NF1: variants seen among roughly 807,000 people sequenced by gnomAD.
NF1 encodes neurofibromin 1.
In NF1, 122 loss-of-function variants were observed where a neutral mutation model predicts 325.7. The observed-to-expected ratio is 0.37, with a 90% CI of 0.32 to 0.44. The LOEUF is 0.44. Ranked by LOEUF, NF1 falls within the 20% of genes least tolerant of loss-of-function variation. The pLI is 1.00. For missense variants in NF1, 2,140 were observed against 3,415.4 expected (o/e 0.63, Z 9.31); for synonymous variants, 1,091 against 1,186.0 (o/e 0.92, Z 1.65).
intron 57 of NF1, among the ~76,000 whole-genome samples, chr17:31,363,828 C>T (rs2070453870): frequency 6.6e-6 from 1 of 151,670 alleles, no homozygotes; most frequent in African/African-American, 2.4e-5. Flanking sequence ...GCAACCTCTG[C>T]CTCCTTGGTT....
intron 36 of NF1, among the ~76,000 whole-genome samples, chr17:31,290,262 A>G (rs1243673409): frequency 6.6e-6 from 1 of 152,118 alleles, no homozygotes; most frequent in African/African-American, 2.4e-5. Flanking sequence ...AGACTTACAA[A>G]TATTTTTAAA....
chr17:31,267,272 G>A lies in NF1; in HGVS notation c.4835+1933G>A, dbSNP rs111509247. 7.8e-3 allele frequency among the ~76,000 whole-genome samples: 1,192 copies of A among 152,184 alleles called. 19 individuals are homozygous for A. Among genetic ancestry groups the A allele is most frequent in the African/African-American group, 0.027 (1,141 of 41,544 alleles). On this transcript the variant is annotated intron_variant, in intron 36 of 57. Transcript: ENST00000358273. The stretch of plus-strand genomic sequence containing the variant: ...TAGATAAGTTTATTTTTCCAAATCT[G>A]TTGCTTCATATGTTAAAGCTGGGGT...
At chr17:31,130,290 A>T (rs1915256472) in intron 1 of NF1, among the ~76,000 whole-genome samples, 1 of 152,034 alleles carries the variant, frequency 6.6e-6, no homozygotes, top group African/African-American at 2.4e-5. Flanking sequence ...GGAGGGGCCG[A>T]GGTGCTCCTG....
intron 1 of NF1, among the ~76,000 whole-genome samples, chr17:31,113,096 T>C (rs1045435350): frequency 1.3e-5 from 2 of 152,312 alleles, no homozygotes; most frequent in South Asian, 4.1e-4. Flanking sequence ...TCGGATTGGC[T>C]TGTCAATTTC....
At chr17:31,275,698 T>C (rs898249117) in intron 36 of NF1, among the ~76,000 whole-genome samples, 3 of 152,204 alleles carry the variant, frequency 2.0e-5, no homozygotes, top group African/African-American at 7.2e-5. Flanking sequence ...TTCTTCAAGC[T>C]CCACTCATGT....
chr17:31,206,486 T>C lies in NF1; in HGVS notation c.1392+115T>C. The C allele has an allele frequency of 3.3e-6, 4 of 1,212,110 alleles. No individual in the cohort carries two copies. The South Asian group carries it at 4.9e-5, about 15-fold the overall frequency. 75.1% of individuals were successfully genotyped at this position (1,212,110 alleles called of 1,614,324 possible). On this transcript the variant is annotated intron_variant, in intron 12 of 57. Coordinates refer to ENST00000358273, the MANE Select transcript of NF1 (RefSeq NM_001042492.3). ...TAGAGAATTGAATGGGTCCTTCATT[T>C]CCTCTAAATGTTGTGGTATGTTGTA...
At chr17:31,247,790 A>G (rs1445103368) in intron 29 of NF1, among the ~76,000 whole-genome samples, 3 of 152,238 alleles carry the variant, frequency 2.0e-5, no homozygotes, top group Non-Finnish European at 2.9e-5. Context: ...TATACAATAG[A>G]CTATTATGCA....
rs2067306662 is a variant in NF1 at position 31,242,133 on chromosome 17, T to C, written c.3974+6112T>C. 2.0e-5 allele frequency among the ~76,000 whole-genome samples: 3 copies of C among 151,898 alleles called. No homozygotes were observed. In the South Asian group the frequency reaches 6.2e-4, roughly 32 times the overall value. On this transcript the variant is annotated intron_variant, in intron 29 of 57. Coordinates refer to ENST00000358273, the MANE Select transcript of NF1 (RefSeq NM_001042492.3). ...CATATTGGAGCTCCATTGTATGTTA[T>C]TTGTTTCTTTCCTCTTGCTGCTTTT...
In NF1 at chr17:31,258,356, C is replaced by T. The variant is rs1555618495; in HGVS notation, c.4186C>T (p.Arg1396Cys). 2.5e-6 allele frequency: 4 copies of T among 1,613,890 alleles called. No homozygotes were observed. Among genetic ancestry groups the T allele is most frequent in the Non-Finnish European group, 3.4e-6 (4 of 1,179,878 alleles). ...KENKKSVVSQ[R>C]FPQNSIGAVG... Reference sequence around the variant, plus strand: ...TCCTTGTTTTTAGGTGGTTAGCCAGCGTTTCCCTCAGAACAGCATCGGTGC... The same window carrying T: ...TCCTTGTTTTTAGGTGGTTAGCCAGTGTTTCCCTCAGAACAGCATCGGTGC... The change falls in exon 32 of 58, where the codon CGT becomes TGT. Residue 1396 changes from arginine (R) to cysteine (C), a missense_variant. Physicochemically the swap from Arg to Cys is radical, Grantham distance 180. This residue lies in a region of NF1 where 336 missense variants were observed against 399.0 expected (regional missense o/e 0.84). Coordinates refer to ENST00000358273, the MANE Select transcript of NF1 (RefSeq NM_001042492.3).
chr17:31,123,376 T>A (rs1914601469), intron 1 of NF1, among the ~76,000 whole-genome samples: 1 of 152,226 alleles, frequency 6.6e-6, no homozygotes, highest in Non-Finnish European at 1.5e-5. Context: ...ATCCTTATTT[T>A]CCATTTTCAT....
chr17:31,305,365 G>A (rs1289291517), intron 36 of NF1: 1 of 1,614,174 alleles, frequency 6.2e-7, no homozygotes, highest in Non-Finnish European at 8.5e-7. Context: ...GACAGCTGGT[G>A]TTGGTTGTCC....
chr17:31,225,275 G>A (rs2144028432), intron 17 of NF1, 25 bp downstream of exon 17: 2 of 1,611,420 alleles, frequency 1.2e-6, no homozygotes, highest in East Asian at 4.5e-5. Flanking sequence ...TACTTTTTCT[G>A]TATCATTTTA....
chr17:31,343,643 A>G (rs1173439126), intron 48 of NF1, among the ~76,000 whole-genome samples: 1 of 152,110 alleles, frequency 6.6e-6, no homozygotes, highest in Non-Finnish European at 1.5e-5. Context: ...TCAAATATCA[A>G]ATTTGCCTGA....
intron 1 of NF1, among the ~76,000 whole-genome samples, chr17:31,131,156 G>A (rs1915355798): frequency 6.6e-6 from 1 of 152,194 alleles, no homozygotes; most frequent in Admixed American, 6.5e-5. Flanking sequence ...AGCCTTGGGG[G>A]ATGGGCACTC....
At chr17:31,322,845 T>C (rs1021407709) in intron 36 of NF1, among the ~76,000 whole-genome samples, 4 of 152,202 alleles carry the variant, frequency 2.6e-5, no homozygotes, top group Non-Finnish European at 5.9e-5. Context: ...TGGTCCTTCC[T>C]TCATATTGTT....
chr17:31,181,671 A>G, intron 6 of NF1, 39 bp from the exon 7 acceptor site: 1 of 1,480,232 alleles, frequency 6.8e-7, no homozygotes, highest in Non-Finnish European at 9.4e-7. Context: ...ACTGTATTAC[A>G]AAAAATCACT....
At chr17:31,145,106 A>T (rs1464005111) in intron 1 of NF1, among the ~76,000 whole-genome samples, 1 of 152,164 alleles carries the variant, frequency 6.6e-6, no homozygotes, top group African/African-American at 2.4e-5. Flanking sequence ...GGCTTTGAAC[A>T]TGCCACACCC....
At chr17:31,263,760 AT>A (rs1260374673) in intron 35 of NF1, among the ~76,000 whole-genome samples, 1 of 151,318 alleles carries the variant, frequency 6.6e-6, no homozygotes, top group Non-Finnish European at 1.5e-5. Flanking sequence ...TTGGAGACCC[AT>A]TTTCTTTTTT....
rs370026303 is a variant in NF1 at position 31,156,027 on chromosome 17, T to C, written c.105T>C (p.Ser35=). The part of the protein sequence containing the change: ...TGQQNTHTKV[S]TEHNKECLIN... ...AGCAGAACACACATACCAAAGTCAG[T>C]ACTGAGCACAACAAGGAATGTCTAA... The change falls in exon 2 of 58, where the codon AGT becomes AGC. Residue 35 remains serine (S), a synonymous_variant. Transcript: ENST00000358273. The C allele has an allele frequency of 2.7e-5, 43 of 1,613,632 alleles. No homozygotes were observed. Among genetic ancestry groups the C allele is most frequent in the Non-Finnish European group, 3.5e-5 (41 of 1,179,824 alleles).
Sources: gnomAD v4.1 joint callset for allele counts (sites outside exome capture counted in the v4.1 genomes callset) on GRCh38, gnomAD v4.1.1 for gene constraint, gnomAD v4.1.1 regional missense constraint, MANE v1.5 for transcripts, NCBI Gene and HGNC (gene_info 2026-07-23, HGNC 2026-07-21) for gene names.